ZDHHC20: variants seen among roughly 807,000 people sequenced by gnomAD.
ZDHHC20 encodes the protein zDHHC palmitoyltransferase 20.
In ZDHHC20, 43 loss-of-function variants were observed where a neutral mutation model predicts 57.8. The ratio of observed to expected loss-of-function variants is 0.74; its 90% CI spans 0.58 to 0.96. The LOEUF (loss-of-function observed/expected upper bound fraction) is 0.96. Among genes scored for constraint, ZDHHC20 ranks in the 40% least tolerant of loss-of-function variants. ZDHHC20 has a pLI of 0.00. For missense variants in ZDHHC20, 391 were observed against 441.1 expected (o/e 0.89, Z 1.02); for synonymous variants, 157 against 153.0 (o/e 1.03, Z -0.19).
intron 3 of ZDHHC20, among the ~76,000 whole-genome samples, chr13:21,418,971 C>T (rs1348833294): frequency 6.6e-6 from 1 of 152,204 alleles, no homozygotes; most frequent in Non-Finnish European, 1.5e-5. Context: ...GCCACCACGC[C>T]TGGCCTGCAT....
At chr13:21,378,768 CA>C (rs751093398) in intron 11 of ZDHHC20, 30 bp from the exon 12 acceptor site, 223,718 of 673,992 alleles carry the variant, frequency 0.33, 2,909 homozygotes, top group African/African-American at 0.35. Flanking sequence ...TATGACATGA[CA>C]AAAAAAAAAA....
At chr13:21,442,667 A>AT (rs1883300073) in intron 1 of ZDHHC20, among the ~76,000 whole-genome samples, 1 of 151,958 alleles carries the variant, frequency 6.6e-6, no homozygotes, top group South Asian at 2.1e-4. Context: ...AGGCACAAGA[A>AT]TTGCTTGAAC....
chr13:21,426,669 A>C (rs1466909255), intron 1 of ZDHHC20, among the ~76,000 whole-genome samples: 2 of 148,772 alleles, frequency 1.3e-5, no homozygotes, highest in East Asian at 4.0e-4. Context: ...GCAGTGGCAC[A>C]ATCTTGGCTC....
chr13:21,447,276 C>T (rs1019054848), intron 1 of ZDHHC20, among the ~76,000 whole-genome samples: 2 of 148,570 alleles, frequency 1.3e-5, no homozygotes, highest in African/African-American at 2.5e-5. Flanking sequence ...AAGATGTGAG[C>T]GCTCTCCCTC....
intron 1 of ZDHHC20, among the ~76,000 whole-genome samples, chr13:21,432,740 A>G (rs1882118579): frequency 6.6e-6 from 1 of 152,228 alleles, no homozygotes; most frequent in East Asian, 1.9e-4. Context: ...AAGTGCTGGG[A>G]TTACAGGTGT....
chr13:21,414,228 CTTTTT>C (rs34795716), intron 3 of ZDHHC20, among the ~76,000 whole-genome samples: 1 of 140,770 alleles, frequency 7.1e-6, no homozygotes, highest in Non-Finnish European at 1.5e-5. Context: ...GCCAAGGAGT[CTTTTT>C]TTTTTTTTTT....
At chr13:21,440,670 AAAG>A (rs1883056793) in intron 1 of ZDHHC20, among the ~76,000 whole-genome samples, 1 of 151,806 alleles carries the variant, frequency 6.6e-6, no homozygotes, top group Admixed American at 6.6e-5. Flanking sequence ...ATGACAAAAG[AAAG>A]ATTTTATCCA....
chr13:21,421,456 G>T (rs780777424), intron 2 of ZDHHC20, among the ~76,000 whole-genome samples: 2 of 152,054 alleles, frequency 1.3e-5, no homozygotes, highest in African/African-American at 4.8e-5. Flanking sequence ...CTTTCTTCAC[G>T]CACTATATTT....
chr13:21,437,805 C>T (rs992604687), intron 1 of ZDHHC20, among the ~76,000 whole-genome samples: 1 of 152,122 alleles, frequency 6.6e-6, no homozygotes, highest in African/African-American at 2.4e-5. Context: ...CATTCTCCTG[C>T]CTCAGCCTCC....
At position 21,381,427 on chromosome 13, in the gene ZDHHC20, C is replaced by A; in HGVS notation, c.1060+7G>T. On this transcript the variant is annotated splice_region_variant and intron_variant, in intron 11 of 12. Transcript: ENST00000400590. ...GACAAAGCAGTGTTTCAAATGAGAACTATTACCTGATTTGACGATGCCTTC... is the reference window on the plus strand; with the variant it reads ...GACAAAGCAGTGTTTCAAATGAGAAATATTACCTGATTTGACGATGCCTTC... 6.2e-7 allele frequency: 1 copy of A among 1,602,266 alleles called. No homozygotes were observed.
intron 1 of ZDHHC20, among the ~76,000 whole-genome samples, chr13:21,449,071 C>A (rs951824218): frequency 7.6e-6 from 1 of 132,386 alleles, no homozygotes; most frequent in Non-Finnish European, 1.7e-5. Context: ...ATCAGGGACA[C>A]AAACACTGCG....
chr13:21,458,983 G>T, intron 1 of ZDHHC20, 71 bp downstream of exon 1: 3 of 1,173,312 alleles, frequency 2.6e-6, no homozygotes, highest in African/African-American at 1.6e-5. Flanking sequence ...GGCGGGTGTG[G>T]GGCGCAGAGG....
Position 21,393,699 on chromosome 13 carries a change from C to CAAAAAAA in ZDHHC20, c.595-1852_595-1846dup, listed in dbSNP as rs71093307. ...AGCCTGGGCGACACAGCAAGTCTCA[C>CAAAAAAA]AAAAAAAAAAAAAAAAAAAAAAAAA... On this transcript the variant is annotated intron_variant, in intron 7 of 12. Transcript: ENST00000400590. Among the ~76,000 whole-genome samples, 33 of 63,412 alleles carry CAAAAAAA rather than the reference C, an allele frequency of 5.2e-4. 3 individuals are homozygous for CAAAAAAA. The highest frequency in any genetic ancestry group is 2.3e-3 in the African/African-American group (30 of 13,320). The allele number at this position is 63,412 out of a possible 152,430, so 41.6% of individuals were successfully genotyped here.
intron 7 of ZDHHC20, among the ~76,000 whole-genome samples, chr13:21,393,762 G>A (rs992260497): frequency 6.0e-5 from 9 of 150,232 alleles, no homozygotes; most frequent in African/African-American, 2.2e-4. Context: ...CCAGAGCTAG[G>A]GCTAGTCTTT....
At chr13:21,441,862 C>A (rs1004412139) in intron 1 of ZDHHC20, among the ~76,000 whole-genome samples, 1 of 152,110 alleles carries the variant, frequency 6.6e-6, no homozygotes, top group African/African-American at 2.4e-5. Flanking sequence ...AATCTGCACA[C>A]AGAAATAGTT....
intron 1 of ZDHHC20, among the ~76,000 whole-genome samples, chr13:21,444,663 C>G (rs1315024274): frequency 6.6e-6 from 1 of 152,206 alleles, no homozygotes; most frequent in African/African-American, 2.4e-5. Context: ...TCAGCCTTCT[C>G]TACGTGAAAG....
In ZDHHC20 at chr13:21,401,699, A is replaced by G; in HGVS notation, c.441-14T>C. On this transcript the variant is annotated splice_polypyrimidine_tract_variant and intron_variant, in intron 5 of 12. Coordinates refer to ENST00000400590, the MANE Select transcript of ZDHHC20 (RefSeq NM_001330059.2). ...TTAAGAATACATCTAGGAAACAAACAAGCATAAGAAAATCCATGCAGAAAA... is the reference window on the plus strand; with the variant it reads ...TTAAGAATACATCTAGGAAACAAACGAGCATAAGAAAATCCATGCAGAAAA... 6.7e-7 allele frequency: 1 copy of G among 1,494,058 alleles called. No individual in the cohort carries two copies. Among genetic ancestry groups the G allele is most frequent in the Non-Finnish European group, 8.9e-7 (1 of 1,127,200 alleles). 92.6% of individuals were successfully genotyped at this position (1,494,058 alleles called of 1,614,324 possible). A position where few individuals can be genotyped will look rare whatever the true frequency, so the allele number is the denominator to read the frequency against.
At chr13:21,436,752 A>T (rs556014023) in intron 1 of ZDHHC20, among the ~76,000 whole-genome samples, 59 of 152,326 alleles carry the variant, frequency 3.9e-4, no homozygotes, top group Admixed American at 3.9e-4. Flanking sequence ...TGAAAGGAAG[A>T]GTCACACACC....
chr13:21,391,040 ATAGAT>A (rs1424751744), intron 8 of ZDHHC20, among the ~76,000 whole-genome samples: 3 of 151,984 alleles, frequency 2.0e-5, no homozygotes, highest in African/African-American at 4.8e-5. Flanking sequence ...TCTATCCCTT[ATAGAT>A]TAATTTTTTT....
Sources: allele counts gnomAD v4.1 joint callset (sites outside exome capture counted in the v4.1 genomes callset), GRCh38; gene constraint gnomAD v4.1.1; transcripts MANE v1.5; gene names NCBI Gene and HGNC (gene_info 2026-07-23, HGNC 2026-07-21).